PRKDC: variants seen among roughly 807,000 people sequenced by gnomAD.
The protein encoded by PRKDC is protein kinase, DNA-activated, catalytic subunit.
In PRKDC, 82 loss-of-function variants were observed where a neutral mutation model predicts 486.9. That is an observed-to-expected ratio of 0.17 (90% CI 0.14 to 0.20). PRKDC has a LOEUF of 0.20. PRKDC is among the 10% of genes least tolerant of loss of function. PRKDC has a pLI of 1.00. For synonymous variants in PRKDC, 1,895 were observed against 1,837.0 expected (o/e 1.03, Z -0.81); for missense variants, 4,504 against 5,038.2 (o/e 0.89, Z 3.21).
Position 47,912,555 on chromosome 8 carries a change from G to C in PRKDC, c.2789C>G (p.Ala930Gly). Residue 930 changes from alanine to glycine, a missense_variant, in exon 25 of 86, where the codon GCC becomes GGC. Physicochemically the swap from Ala to Gly is moderately conservative, Grantham distance 60. This residue lies in a region of PRKDC where 1,969 missense variants were observed against 2,068.9 expected (regional missense o/e 0.95). Coordinates refer to ENST00000314191, the MANE Select transcript of PRKDC (RefSeq NM_006904.7). The stretch of plus-strand genomic sequence containing the variant: ...AACCATGCTATGTAAAAGTTCACAG[G>C]CTGCAACCTAAAACAGACCAGGAGG... ...TASDRQTKVAACELLHSMVMF... is the reference protein window; with the variant it reads ...TASDRQTKVAGCELLHSMVMF... The C allele has an allele frequency of 1.9e-6, 3 of 1,609,344 alleles. No homozygotes were observed. Among genetic ancestry groups the C allele is most frequent in the Non-Finnish European group, 1.7e-6 (2 of 1,177,312 alleles).
At chr8:47,790,488 G>C (rs2086865522) in intron 74 of PRKDC, among the ~76,000 whole-genome samples, 1 of 152,134 alleles carries the variant, frequency 6.6e-6, no homozygotes, top group African/African-American at 2.4e-5. Context: ...ACTACCCAAA[G>C]CAATCTACAG....
chr8:47,801,134 C>T lies in PRKDC; in HGVS notation c.9923-148G>A, dbSNP rs369323532. 26 of 769,702 alleles carry T rather than the reference C, an allele frequency of 3.4e-5. No individual in the cohort carries two copies. The East Asian group carries it at 4.1e-4, about 12-fold the overall frequency. The allele number at this position is 769,702 out of a possible 1,614,324, so 47.7% of individuals were successfully genotyped here. The stretch of plus-strand genomic sequence containing the variant: ...TTACCCAGGCTGGAGTGCAACGACA[C>T]GATTTTGGCTCACTGCAACCCCTGC... On this transcript the variant is annotated intron_variant, in intron 70 of 85. Coordinates refer to ENST00000314191, the MANE Select transcript of PRKDC (RefSeq NM_006904.7).
intron 48 of PRKDC, 120 bp from the exon 49 acceptor site, chr8:47,857,419 G>A (rs1052397736): frequency 2.7e-6 from 3 of 1,103,086 alleles, no homozygotes; most frequent in African/African-American, 3.2e-5. Context: ...AAAGCCAAAA[G>A]CGAGGTAAGC....
intron 30 of PRKDC, among the ~76,000 whole-genome samples, chr8:47,894,056 G>A (rs899858528): frequency 3.9e-5 from 6 of 152,074 alleles, no homozygotes; most frequent in East Asian, 1.9e-4. Context: ...TGAGATGGGC[G>A]GATCACTTGA....
chr8:47,799,215 G>T lies in PRKDC; in HGVS notation c.10292C>A (p.Ala3431Glu). 5.0e-6 allele frequency: 8 copies of T among 1,613,772 alleles called. No homozygotes were observed. The highest frequency in any genetic ancestry group is 6.8e-6 in the Non-Finnish European group (8 of 1,179,866). Residue 3431 changes from alanine (A) to glutamate (E), a missense_variant, in exon 72 of 86, where the codon GCA becomes GAA. Coordinates refer to ENST00000314191, the MANE Select transcript of PRKDC (RefSeq NM_006904.7). ...CTTTTTAATTTTCAATTCACCTGAT[G>T]CATTCTCTTCCTCCTTGCGCAGCTG... ...DQQLRKEEEN[A>E]SVIDSAELQA...
chr8:47,812,291 A>G (rs2087346470), intron 68 of PRKDC, among the ~76,000 whole-genome samples: 1 of 152,216 alleles, frequency 6.6e-6, no homozygotes, highest in Non-Finnish European at 1.5e-5. Context: ...ATCTCATTGA[A>G]ATTTATAAAA....
rs2087844135 is a variant in PRKDC at position 47,830,624 on chromosome 8, G to A, written c.8378C>T (p.Pro2793Leu). Residue 2793 changes from proline (P) to leucine (L), a missense_variant, in exon 61 of 86, where the codon CCG (proline) becomes CTG (leucine). By Grantham distance (98) the Pro-to-Leu change is moderately conservative. Transcript: ENST00000314191. The stretch of plus-strand genomic sequence containing the variant: ...ACTGACCTGGGCCACGGCCTGTAAC[G>A]GGGTGATGAGGCTGCTGTGCTTGAT... ...IQIKHSSLITPLQAVAQRDPI... is the reference protein window; with the variant it reads ...IQIKHSSLITLLQAVAQRDPI... The A allele has an allele frequency of 6.8e-6, 11 of 1,613,878 alleles. No individual in the cohort carries two copies. The East Asian group carries it at 1.8e-4, about 26-fold the overall frequency.
chr8:47,933,252 A>AT, intron 15 of PRKDC, 80 bp from the exon 16 acceptor site: 18 of 1,155,840 alleles, frequency 1.6e-5, no homozygotes, highest in South Asian at 3.9e-5. Context: ...AGACACATAC[A>AT]CAGATGTATG....
intron 54 of PRKDC, among the ~76,000 whole-genome samples, chr8:47,843,251 C>T (rs2088191916): frequency 6.6e-6 from 1 of 152,074 alleles, no homozygotes; most frequent in South Asian, 2.1e-4. Flanking sequence ...TTTCATAATA[C>T]AGTTGGAAAC....
rs1420188419 is a variant in PRKDC, at chr8:47,879,627, G to A, written c.5099C>T (p.Thr1700Ile). Residue 1700 changes from threonine to isoleucine, a missense_variant, in exon 39 of 86, where the codon ACC (threonine) becomes ATC (isoleucine). Transcript: ENST00000314191. ...GQAVTLLPFF[T>I]SLTGGSLEEL... Reference sequence around the variant, plus strand: ...CTCCAGACTGCCTCCAGTGAGGCTGGTGAAGAATGGAAGAAGAGTGACAGC... The same window carrying A: ...CTCCAGACTGCCTCCAGTGAGGCTGATGAAGAATGGAAGAAGAGTGACAGC... 1.9e-6 allele frequency: 3 copies of A among 1,587,424 alleles called. No individual in the cohort carries two copies. In the Admixed American group the frequency reaches 5.4e-5, roughly 29 times the overall value.
chr8:47,835,620 C>CAAA (rs71548446), intron 58 of PRKDC, among the ~76,000 whole-genome samples: 264 of 20,460 alleles, frequency 0.013, 37 homozygotes, highest in Middle Eastern at 0.12. Flanking sequence ...GACTCTGTCT[C>CAAA]AAAAAAAAAA....
chr8:47,809,891 G>A (rs1402544661), intron 68 of PRKDC, among the ~76,000 whole-genome samples: 1 of 152,190 alleles, frequency 6.6e-6, no homozygotes, highest in Non-Finnish European at 1.5e-5. Context: ...CCTGTGGAGT[G>A]TGGTGGCAAT....
chr8:47,908,640 G>T (rs1371551350), intron 25 of PRKDC, among the ~76,000 whole-genome samples: 1 of 152,152 alleles, frequency 6.6e-6, no homozygotes. Context: ...GTCAAGATGT[G>T]TTATTATAAA....
chr8:47,886,710 C>A (rs891855487), intron 35 of PRKDC, among the ~76,000 whole-genome samples: 1 of 151,962 alleles, frequency 6.6e-6, no homozygotes, highest in Non-Finnish European at 1.5e-5. Flanking sequence ...TTTTTAAAGA[C>A]AGGGTGTCAC....
At chr8:47,941,407 G>A (rs189505631) in intron 10 of PRKDC, among the ~76,000 whole-genome samples, 82 of 152,242 alleles carry the variant, frequency 5.4e-4, no homozygotes, top group Non-Finnish European at 1.1e-3. Flanking sequence ...AATGTGACTC[G>A]GAATGGGAGC....
Position 47,953,834 on chromosome 8 carries a change from G to A in PRKDC, c.594C>T (p.Arg198=), listed in dbSNP as rs550250358. The change falls in exon 6 of 86, where the codon CGC becomes CGT. Residue 198 remains arginine (R), a synonymous_variant. Coordinates refer to ENST00000314191, the MANE Select transcript of PRKDC (RefSeq NM_006904.7). The part of the protein sequence containing the change: ...EMINNAENLF[R]AFLGELKTQM... ...GGGTCTTAAGTTCACCCAGAAAAGC[G>A]CGGAACAGGTTTTCTGCATTATTTA... 70 of 1,571,600 alleles carry A rather than the reference G, an allele frequency of 4.5e-5. No homozygotes were observed. Among genetic ancestry groups the A allele is most frequent in the Middle Eastern group, 1.7e-4 (1 of 6,024 alleles).
intron 21 of PRKDC, among the ~76,000 whole-genome samples, chr8:47,921,116 G>T (rs542954381): frequency 6.6e-6 from 1 of 152,070 alleles, no homozygotes; most frequent in African/African-American, 2.4e-5. Context: ...TTAGCCAGGC[G>T]TGGTGGCGGG....
At chr8:47,956,398 T>G (rs2090700607) in intron 3 of PRKDC, among the ~76,000 whole-genome samples, 1 of 151,068 alleles carries the variant, frequency 6.6e-6, no homozygotes, top group South Asian at 2.1e-4. Context: ...ACAGTGTGGT[T>G]CATGCCTGTA....
At chr8:47,904,124 C>A (rs549973241) in intron 26 of PRKDC, among the ~76,000 whole-genome samples, 1 of 152,322 alleles carries the variant, frequency 6.6e-6, no homozygotes, top group East Asian at 1.9e-4. Context: ...CCTCAGTGAG[C>A]TGGCGACCAA....
Sources: allele counts gnomAD v4.1 joint callset (sites outside exome capture counted in the v4.1 genomes callset), GRCh38; gene constraint gnomAD v4.1.1; regional missense constraint gnomAD v4.1.1; transcripts MANE v1.5; gene names NCBI Gene and HGNC (gene_info 2026-07-23, HGNC 2026-07-21).